SMC2: variants seen among roughly 807,000 people sequenced by gnomAD.
SMC2 encodes the protein structural maintenance of chromosomes protein 2.
A neutral mutation model predicts 142.6 loss-of-function variants in SMC2; 41 were observed. The observed-to-expected ratio is 0.29, with a 90% CI of 0.22 to 0.37. The LOEUF (loss-of-function observed/expected upper bound fraction) is 0.37, where lower values mean the gene tolerates loss of function less well. Among genes scored for constraint, SMC2 ranks in the 10% least tolerant of loss-of-function variants. The probability of loss-of-function intolerance (pLI) is 1.00; values close to 1 mark genes in which losing one functional copy is unlikely to be tolerated. For synonymous variants in SMC2, 463 were observed against 457.5 expected, an observed-to-expected ratio of 1.01 and a Z score of -0.15; for missense variants, 1,265 against 1,373.7, an observed-to-expected ratio of 0.92 and a Z score of 1.25.
intron 24 of SMC2, 71 bp downstream of exon 24, chr9:104,138,236 G>C: frequency 8.1e-7 from 1 of 1,228,248 alleles, no homozygotes; most frequent in Non-Finnish European, 1.1e-6. Context: ...TCTTTAGTTA[G>C]TAGTCAATGT....
At chr9:104,101,753 C>A (rs567853828) in intron 7 of SMC2, among the ~76,000 whole-genome samples, 1 of 152,238 alleles carries the variant, frequency 6.6e-6, no homozygotes, top group South Asian at 2.1e-4. Flanking sequence ...AAGAAATAGC[C>A]AAATAAGATT....
In SMC2 at chr9:104,100,074, A is replaced by T; in HGVS notation, c.481-19A>T. On this transcript the variant is annotated intron_variant, in intron 5 of 24. Transcript: ENST00000374793. ...CACATTGTCTTGGATACTAAACATT[A>T]ATAAAATTGTCATTCCAGATTTTAT... is the stretch of plus-strand genomic sequence containing the variant. 1 of 1,316,070 alleles carries T rather than the reference A, an allele frequency of 7.6e-7. No homozygotes were observed. 81.5% of individuals were successfully genotyped at this position (1,316,070 alleles called of 1,614,324 possible). A position where few individuals can be genotyped will look rare whatever the true frequency, so the allele number is the denominator to read the frequency against.
At chr9:104,137,768 T>C (rs992616994) in intron 23 of SMC2, among the ~76,000 whole-genome samples, 2 of 151,852 alleles carry the variant, frequency 1.3e-5, no homozygotes, top group East Asian at 3.9e-4. Context: ...AAACGTAATA[T>C]GGCAATATTA....
intron 23 of SMC2, among the ~76,000 whole-genome samples, chr9:104,135,110 G>T (rs1835390332): frequency 1.3e-5 from 2 of 151,768 alleles, no homozygotes; most frequent in African/African-American, 4.8e-5. Context: ...TTTAAAGAAG[G>T]TTAAAAAAAA....
intron 9 of SMC2, among the ~76,000 whole-genome samples, chr9:104,103,955 A>G (rs530925379): frequency 6.6e-6 from 1 of 152,212 alleles, no homozygotes; most frequent in African/African-American, 2.4e-5. Context: ...AGCTCTAAAC[A>G]TGTGGACCTG....
chr9:104,117,887 GA>G (rs1437940897), intron 14 of SMC2, among the ~76,000 whole-genome samples: 2 of 152,294 alleles, frequency 1.3e-5, no homozygotes, highest in African/African-American at 4.8e-5. Flanking sequence ...AGGACACTTA[GA>G]AACATGGTAA....
At chr9:104,121,075 A>AACACACGAAAGAATGAGTGAAC (rs377725114) in intron 16 of SMC2, among the ~76,000 whole-genome samples, 3 of 151,928 alleles carry the variant, frequency 2.0e-5, no homozygotes, top group African/African-American at 7.3e-5. Context: ...TTGTTGAGTA[A>AACACACGAAAGAATGAGTGAAC]ACACACGAAA....
At chr9:104,121,357 G>T (rs1287787510) in intron 16 of SMC2, among the ~76,000 whole-genome samples, 1 of 151,932 alleles carries the variant, frequency 6.6e-6, no homozygotes, top group African/African-American at 2.4e-5. Context: ...TTAGTCAGGC[G>T]TGGTGGCATG....
intron 10 of SMC2, among the ~76,000 whole-genome samples, chr9:104,113,001 T>G (rs74361893): frequency 0.06 from 9,197 of 152,160 alleles, 744 homozygotes; most frequent in African/African-American, 0.19. Flanking sequence ...CTAGCGTTCT[T>G]TTTTTAATTA....
chr9:104,138,754 C>T (rs7860435), intron 24 of SMC2, among the ~76,000 whole-genome samples: 7,646 of 152,038 alleles, frequency 0.05, 635 homozygotes, highest in African/African-American at 0.18. Flanking sequence ...TTGAATGGGG[C>T]GGCGGGGCAG....
chr9:104,132,000 A>G lies in SMC2; in HGVS notation c.2992-9A>G, dbSNP rs1267727460. ...ATTTTCCCAGTTAACCATGTTTTTT[A>G]TCTCATAGTACAATGACTTGATGAA... On this transcript the variant is annotated splice_polypyrimidine_tract_variant and intron_variant, in intron 21 of 24. Coordinates refer to ENST00000374793, the MANE Select transcript of SMC2 (RefSeq NM_006444.3). The G allele has an allele frequency of 8.3e-6, 11 of 1,324,264 alleles. No individual in the cohort carries two copies. The highest frequency in any genetic ancestry group is 3.0e-5 in the African/African-American group (2 of 67,004). 82.0% of individuals were successfully genotyped at this position (1,324,264 alleles called of 1,614,324 possible). A position where few individuals can be genotyped will look rare whatever the true frequency, so the allele number is the denominator to read the frequency against.
At chr9:104,106,257 A>G (rs1413237706) in intron 9 of SMC2, among the ~76,000 whole-genome samples, 1 of 152,192 alleles carries the variant, frequency 6.6e-6, no homozygotes, top group Non-Finnish European at 1.5e-5. Context: ...GCAGAGTGAA[A>G]TATGATGAAG....
In SMC2 at chr9:104,098,426, A is replaced by G; in HGVS notation, c.319-20A>G. 1 of 1,560,518 alleles carries G rather than the reference A, an allele frequency of 6.4e-7. No individual in the cohort carries two copies. The highest frequency in any genetic ancestry group is 1.2e-5 in the South Asian group (1 of 82,802). ...GGTGTGCATGTACATTAATATTTAA[A>G]AAATTGCTTTCTTTTATAGGTGGTT... On this transcript the variant is annotated intron_variant, in intron 3 of 24. Transcript: ENST00000374793.
intron 23 of SMC2, 100 bp from the exon 24 acceptor site, chr9:104,137,918 A>T (rs1835731373): frequency 1.4e-6 from 1 of 728,408 alleles, no homozygotes; most frequent in Non-Finnish European, 2.0e-6. Flanking sequence ...CTTTCAGATA[A>T]ATCTGCTCTA....
chr9:104,131,152 G>A (rs976977347), intron 21 of SMC2, among the ~76,000 whole-genome samples: 2 of 152,012 alleles, frequency 1.3e-5, no homozygotes, highest in African/African-American at 2.4e-5. Context: ...TGCTGTTCAT[G>A]GTATGATTAT....
At chr9:104,116,076 T>C (rs986136518) in intron 13 of SMC2, 124 bp from the exon 14 acceptor site, 5 of 779,840 alleles carry the variant, frequency 6.4e-6, no homozygotes, top group Non-Finnish European at 7.7e-6. Context: ...ATTGCATATG[T>C]AATTATAACT....
chr9:104,124,058 A>C (rs921644998), intron 17 of SMC2, among the ~76,000 whole-genome samples: 2 of 152,190 alleles, frequency 1.3e-5, no homozygotes, highest in African/African-American at 4.8e-5. Context: ...AATATACATC[A>C]GTTGTTACAG....
chr9:104,126,848 A>G (rs1834351757), intron 19 of SMC2, 64 bp downstream of exon 19: 2 of 1,442,230 alleles, frequency 1.4e-6, no homozygotes, highest in Non-Finnish European at 1.9e-6. Flanking sequence ...ACATTAGCTT[A>G]AGATGTTTGA....
chr9:104,137,141 C>CT (rs1349909020), intron 23 of SMC2, among the ~76,000 whole-genome samples: 4 of 151,774 alleles, frequency 2.6e-5, no homozygotes, highest in African/African-American at 9.7e-5. Context: ...GAGCAAGACT[C>CT]TCAAAAACCA....
Sources: gnomAD v4.1 joint callset for allele counts (sites outside exome capture counted in the v4.1 genomes callset) on GRCh38, gnomAD v4.1.1 for gene constraint, MANE v1.5 for transcripts, NCBI Gene and HGNC (gene_info 2026-07-23, HGNC 2026-07-21) for gene names.